FUT8: variants seen among roughly 807,000 people sequenced by gnomAD.
FUT8 encodes the protein alpha-(1,6)-fucosyltransferase.
In FUT8, 29 loss-of-function variants were observed where a neutral mutation model predicts 71.3. That is an observed-to-expected ratio of 0.41 (90% confidence interval 0.30 to 0.55). The LOEUF (loss-of-function observed/expected upper bound fraction) is 0.55. FUT8 is among the 20% of genes least tolerant of loss of function. FUT8 has a pLI of 0.34. For missense variants in FUT8, 544 were observed against 702.1 expected, an observed-to-expected ratio of 0.77 and a Z score of 2.55; for synonymous variants, 254 against 239.3, an observed-to-expected ratio of 1.06 and a Z score of -0.57.
intron 7 of FUT8, among the ~76,000 whole-genome samples, chr14:65,682,764 A>G (rs1893097589): frequency 6.6e-6 from 1 of 152,172 alleles, no homozygotes; most frequent in Non-Finnish European, 1.5e-5. Context: ...GTGCATCAAA[A>G]CATCTGCTTC....
chr14:65,716,886 G>GAT (rs1895098591), intron 7 of FUT8, among the ~76,000 whole-genome samples: 1 of 144,644 alleles, frequency 6.9e-6, no homozygotes. Flanking sequence ...CCTCCCAGAC[G>GAT]GGGCGGCCGG....
intron 3 of FUT8, among the ~76,000 whole-genome samples, chr14:65,569,067 C>T (rs977369363): frequency 6.6e-6 from 1 of 151,580 alleles, no homozygotes; most frequent in Non-Finnish European, 1.5e-5. Context: ...TTCATTGATT[C>T]CTGCCTTTCA....
intron 2 of FUT8, among the ~76,000 whole-genome samples, chr14:65,491,463 A>T (rs1299125286): frequency 6.6e-6 from 1 of 152,170 alleles, no homozygotes; most frequent in Non-Finnish European, 1.5e-5. Flanking sequence ...TTCTCATGTG[A>T]GTCCAGTGGG....
upstream of FUT8, among the ~76,000 whole-genome samples, chr14:65,408,209 G>A (rs35086691): frequency 6.6e-6 from 1 of 152,032 alleles, no homozygotes; most frequent in South Asian, 2.1e-4. Context: ...AAGTTAAGCC[G>A]AGAGAGGCTT....
At chr14:65,579,649 A>G (rs1023542703) in intron 3 of FUT8, among the ~76,000 whole-genome samples, 1 of 152,134 alleles carries the variant, frequency 6.6e-6, no homozygotes, top group Non-Finnish European at 1.5e-5. Context: ...CAGTAATACA[A>G]AAGCTTATTG....
chr14:65,516,532 A>G (rs2139842364), intron 2 of FUT8: 1 of 152,224 alleles, frequency 6.6e-6, no homozygotes, highest in East Asian at 1.9e-4. Flanking sequence ...TTATTTTTCA[A>G]GTTTTTTTGG....
At chr14:65,484,902 T>G (rs759361846) in intron 2 of FUT8, among the ~76,000 whole-genome samples, 3 of 152,176 alleles carry the variant, frequency 2.0e-5, no homozygotes, top group Non-Finnish European at 4.4e-5. Flanking sequence ...TCATGGATTT[T>G]TTTCTTCTAC....
chr14:65,469,788 T>A (rs2066108634), intron 2 of FUT8, among the ~76,000 whole-genome samples: 1 of 152,146 alleles, frequency 6.6e-6, no homozygotes, highest in African/African-American at 2.4e-5. Context: ...CATCTGGCTG[T>A]CTCTCTGGCC....
chr14:65,474,927 A>G, intron 2 of FUT8, among the ~76,000 whole-genome samples: 1 of 152,204 alleles, frequency 6.6e-6, no homozygotes, highest in East Asian at 1.9e-4. Context: ...GAGCTCAAGC[A>G]GTCCTCCTGC....
In FUT8 at chr14:65,652,493, C is replaced by A. The variant is rs1259644266; in HGVS notation, c.598-16750C>A. Among the ~76,000 whole-genome samples, 6 of 152,190 alleles carry A rather than the reference C, an allele frequency of 3.9e-5. No individual in the cohort carries two copies. The highest frequency in any genetic ancestry group is 1.2e-4 in the African/African-American group (5 of 41,438). ...AGGACATGATGCTTTGGAGCTGTTA[C>A]AACCATCTTGTGACCATGAGGCATT... On this transcript the variant is annotated intron_variant, in intron 6 of 10. Coordinates refer to ENST00000673929, the MANE Select transcript of FUT8 (RefSeq NM_001371533.1). The surrounding 1 kb of genome is among the most constrained non-coding windows in gnomAD (Gnocchi z 4.0).
At chr14:65,610,918 A>G (rs1258051496) in intron 3 of FUT8, among the ~76,000 whole-genome samples, 1 of 151,556 alleles carries the variant, frequency 6.6e-6, no homozygotes, top group Non-Finnish European at 1.5e-5. Context: ...GGTTTGCTAA[A>G]TTTTTTTATA....
At chr14:65,411,759 G>A (rs2065126952), upstream of FUT8, 1 of 326,548 alleles carries the variant, frequency 3.1e-6, no homozygotes. Flanking sequence ...CTACAGGGAA[G>A]AGTTTGGAAC....
intron 3 of FUT8, among the ~76,000 whole-genome samples, chr14:65,562,906 C>G (rs376709084): frequency 2.6e-5 from 4 of 152,050 alleles, no homozygotes; most frequent in African/African-American, 9.6e-5. Context: ...GAGAGGATGC[C>G]CATGGTGCTC....
At chr14:65,433,169 A>G (rs564785913) in intron 1 of FUT8, among the ~76,000 whole-genome samples, 6 of 152,310 alleles carry the variant, frequency 3.9e-5, no homozygotes, top group South Asian at 2.1e-4. Context: ...TGCGAATTCT[A>G]TCACTACAGT....
chr14:65,400,232 A>C, the FUT8 span, among the ~76,000 whole-genome samples: 1 of 152,202 alleles, frequency 6.6e-6, no homozygotes, highest in African/African-American at 2.4e-5. Flanking sequence ...TCAAATAACT[A>C]TTCAACCGTG....
Position 65,730,396 on chromosome 14 carries a change from G to A in FUT8, c.1260-2835G>A, listed in dbSNP as rs566191468. Among the ~76,000 whole-genome samples the A allele has an allele frequency of 2.2e-4, 33 of 152,310 alleles. 1 individual carries two copies. Among genetic ancestry groups the A allele is most frequent in the African/African-American group, 7.9e-4 (33 of 41,576 alleles). On this transcript the variant is annotated intron_variant, in intron 9 of 10. Transcript: ENST00000673929. Reference sequence around the variant, plus strand: ...CTGCATGTTAAGATTGAGTCCGACCGGACGCAGTGGCTCACGATTGTAATC... The same window carrying A: ...CTGCATGTTAAGATTGAGTCCGACCAGACGCAGTGGCTCACGATTGTAATC...
At chr14:65,546,138 A>G (rs941432145) in intron 2 of FUT8, among the ~76,000 whole-genome samples, 1 of 151,892 alleles carries the variant, frequency 6.6e-6, no homozygotes, top group Non-Finnish European at 1.5e-5. Context: ...CATATTAAGT[A>G]TACAGTTAGA....
intron 6 of FUT8, among the ~76,000 whole-genome samples, chr14:65,653,888 T>G (rs993783517): frequency 2.6e-5 from 4 of 152,078 alleles, no homozygotes; most frequent in African/African-American, 9.7e-5. Flanking sequence ...CTAGGGAAAA[T>G]ACAACGAAGT....
the FUT8 span, among the ~76,000 whole-genome samples, chr14:65,387,173 T>G: frequency 6.6e-6 from 1 of 152,176 alleles, no homozygotes; most frequent in Non-Finnish European, 1.5e-5. Context: ...TTAAATATCC[T>G]TTAAGTATTT....
Sources: gnomAD v4.1 joint callset for allele counts (sites outside exome capture counted in the v4.1 genomes callset) on GRCh38, gnomAD v4.1.1 for gene constraint, Gnocchi (gnomAD v3.1) non-coding constraint, MANE v1.5 for transcripts, NCBI Gene and HGNC (gene_info 2026-07-23, HGNC 2026-07-21) for gene names.